The following METTL27 variants were observed in gnomAD, a reference collection of about 807,000 sequenced individuals.
The protein encoded by METTL27 is methyltransferase-like protein 27.
A neutral mutation model predicts 24.5 loss-of-function variants in METTL27; 29 were observed. The ratio of observed to expected loss-of-function variants is 1.18; its 90% CI spans 0.88 to 1.61. METTL27 has a LOEUF of 1.61. Ranked by LOEUF, METTL27 falls within the 40% of genes most tolerant of loss-of-function variation. The pLI, the probability that METTL27 is intolerant of heterozygous loss-of-function variation, is 0.00. For missense variants in METTL27, 341 were observed against 324.3 expected (o/e 1.05, Z -0.40); for synonymous variants, 138 against 146.8 (o/e 0.94, Z 0.43).
At chr7:73,836,065 C>T (rs1554635102) in intron 5 of METTL27, among the ~76,000 whole-genome samples, 2 of 152,064 alleles carry the variant, frequency 1.3e-5, no homozygotes. Context: ...GGCAGCCACC[C>T]CATCCGGGAG....
At chr7:73,837,330 A>T (rs1160998393) in intron 5 of METTL27, among the ~76,000 whole-genome samples, 7 of 145,554 alleles carry the variant, frequency 4.8e-5, no homozygotes, top group Non-Finnish European at 9.0e-5. Flanking sequence ...AAAAAAATAA[A>T]AAGTCAATCA....
chr7:73,840,140 G>GT lies in METTL27; in HGVS notation c.389-21_389-20insA. On this transcript the variant is annotated intron_variant, in intron 4 of 5. Coordinates refer to ENST00000297873, the MANE Select transcript of METTL27 (RefSeq NM_152559.3). ...AGGTCCCTGTGTGTGTGTGGGGGGGGGTGGGGACATGGTGTGATGCTTGGA... is the reference window on the plus strand; with the variant it reads ...AGGTCCCTGTGTGTGTGTGGGGGGGGTGTGGGGACATGGTGTGATGCTTGGA... 1.4e-6 allele frequency: 2 copies of GT among 1,437,872 alleles called. No homozygotes were observed. Among genetic ancestry groups the GT allele is most frequent in the Non-Finnish European group, 1.9e-6 (2 of 1,041,790 alleles). 89.1% of individuals were successfully genotyped at this position (1,437,872 alleles called of 1,614,324 possible).
In METTL27 at chr7:73,834,870, A is replaced by G. The variant is rs782705468; in HGVS notation, c.611T>C (p.Leu204Pro). 1.2e-6 allele frequency: 2 copies of G among 1,611,666 alleles called. No individual in the cohort carries two copies. The highest frequency in any genetic ancestry group is 2.2e-5 in the South Asian group (2 of 90,886). Residue 204 changes from leucine to proline, a missense_variant, in exon 6 of 6, where the codon CTG (leucine) becomes CCG (proline). By Grantham distance (98) the Leu-to-Pro change is moderately conservative. Transcript: ENST00000297873. ...EGLVAWPVDR[L>P]WTAGSWLPPS... ...AGGTAGCCAGCTCCCAGCGGTCCAC[A>G]GGCGGTCCACAGGCCAGGCCACCAG...
intron 5 of METTL27, among the ~76,000 whole-genome samples, chr7:73,838,393 G>C (rs782234518): frequency 6.6e-6 from 1 of 152,206 alleles, no homozygotes; most frequent in Non-Finnish European, 1.5e-5. Context: ...GTGCCCTACA[G>C]TAAGTGCCGG....
chr7:73,836,307 C>A (rs1255644218), intron 5 of METTL27, among the ~76,000 whole-genome samples: 3 of 140,038 alleles, frequency 2.1e-5, no homozygotes, highest in African/African-American at 7.9e-5. Flanking sequence ...CGGCCAGCTG[C>A]CCCGTCCAGT....
At chr7:73,838,737 C>G (rs993599762) in intron 5 of METTL27, among the ~76,000 whole-genome samples, 8 of 152,202 alleles carry the variant, frequency 5.3e-5, no homozygotes, top group Non-Finnish European at 1.0e-4. Context: ...CCAGCTGACC[C>G]CATCCGTGTC....
At position 73,840,028 on chromosome 7, in the gene METTL27, C is replaced by T. The variant is rs1788303746; in HGVS notation, c.478+3G>A. 6.2e-7 allele frequency: 1 copy of T among 1,606,958 alleles called. No homozygotes were observed. The highest frequency in any genetic ancestry group is 8.5e-7 in the Non-Finnish European group (1 of 1,176,320). ...GGGGGTGGTTGGCTGGGCTGCTCCT[C>T]ACCTGGCTTGGTGACATGTAGCTCA... is the stretch of plus-strand genomic sequence containing the variant. On this transcript the variant is annotated splice_donor_region_variant and intron_variant, in intron 5 of 5. Transcript: ENST00000297873.
At chr7:73,842,257 CCCCTATCCCGG>C in intron 1 of METTL27, 113 bp from the exon 2 acceptor site, 3 of 1,467,456 alleles carry the variant, frequency 2.0e-6, no homozygotes, top group Non-Finnish European at 2.7e-6. Context: ...GCCAGCGCGA[CCCCTATCCCGG>C]CCCCTATCCC....
At chr7:73,836,239 C>T (rs1407056241) in intron 5 of METTL27, among the ~76,000 whole-genome samples, 35 of 125,976 alleles carry the variant, frequency 2.8e-4, no homozygotes, top group African/African-American at 8.4e-4. Context: ...GGGGCATCAG[C>T]CCCCCGCCCG....
chr7:73,837,210 C>A (rs1187039359), intron 5 of METTL27, among the ~76,000 whole-genome samples: 1 of 142,906 alleles, frequency 7.0e-6, no homozygotes, highest in Admixed American at 7.0e-5. Flanking sequence ...TAGCTGCTGA[C>A]CTTCCCTCCA....
Position 73,840,127 on chromosome 7 carries a change from G to T in METTL27, c.389-7C>A. 1 of 1,527,882 alleles carries T rather than the reference G, an allele frequency of 6.5e-7. No individual in the cohort carries two copies. The highest frequency in any genetic ancestry group is 1.2e-5 in the South Asian group (1 of 83,026). 94.6% of individuals were successfully genotyped at this position (1,527,882 alleles called of 1,614,324 possible). Reference sequence around the variant, plus strand: ...AGCACCGCGTCGAAGGTCCCTGTGTGTGTGTGGGGGGGGGTGGGGACATGG... The same window carrying T: ...AGCACCGCGTCGAAGGTCCCTGTGTTTGTGTGGGGGGGGGTGGGGACATGG... On this transcript the variant is annotated splice_region_variant and splice_polypyrimidine_tract_variant and intron_variant, in intron 4 of 5. Transcript: ENST00000297873.
chr7:73,835,143 C>CCT, intron 5 of METTL27, 141 bp from the exon 6 acceptor site: 1 of 995,108 alleles, frequency 1.0e-6, no homozygotes, highest in Non-Finnish European at 1.3e-6. Flanking sequence ...CTCTCCCTCT[C>CCT]CCTCTCCCTC....
intron 5 of METTL27, 77 bp downstream of exon 5, chr7:73,839,954 G>A: frequency 7.4e-7 from 1 of 1,357,936 alleles, no homozygotes; most frequent in Non-Finnish European, 1.0e-6. Context: ...GGGGCTCTGG[G>A]GCCTGTGTCT....
intron 5 of METTL27, chr7:73,839,784 C>T: frequency 4.3e-6 from 2 of 462,314 alleles, no homozygotes; most frequent in Non-Finnish European, 3.8e-6. Flanking sequence ...GAAAAGGAGG[C>T]TGCAGAGGAG....
At chr7:73,840,196 C>A (rs1184082824) in intron 4 of METTL27, 76 bp from the exon 5 acceptor site, 91 of 1,524,266 alleles carry the variant, frequency 6.0e-5, no homozygotes, top group Non-Finnish European at 7.9e-5. Flanking sequence ...GGCCTCAGAC[C>A]ACCCTAGGGG....
At chr7:73,838,694 G>A (rs1050703694) in intron 5 of METTL27, among the ~76,000 whole-genome samples, 3 of 152,184 alleles carry the variant, frequency 2.0e-5, no homozygotes, top group Non-Finnish European at 4.4e-5. Context: ...CCAGTAGAAA[G>A]TTCCTGTCTT....
intron 5 of METTL27, among the ~76,000 whole-genome samples, chr7:73,836,393 G>A (rs1264162541): frequency 7.0e-6 from 1 of 143,766 alleles, no homozygotes; most frequent in African/African-American, 2.6e-5. Context: ...CGCCCAGTCC[G>A]GGAGGGAGGT....
intron 5 of METTL27, among the ~76,000 whole-genome samples, chr7:73,837,850 C>A (rs1313532030): frequency 6.6e-6 from 1 of 151,936 alleles, no homozygotes; most frequent in Non-Finnish European, 1.5e-5. Flanking sequence ...TGCCCACCCC[C>A]CCTTTTTTTT....
At position 73,835,908 on chromosome 7, in the gene METTL27, C is replaced by T. The variant is rs1159913588; in HGVS notation, c.479-906G>A. 8.7e-5 allele frequency among the ~76,000 whole-genome samples: 13 copies of T among 150,104 alleles called. No individual in the cohort carries two copies. The South Asian group carries it at 1.5e-3, about 17-fold the overall frequency. ...GGAGCACCTCTGCCCGGCCGCAACC[C>T]CGTCTGGGAGGTGAGGAGCATCTCT... On this transcript the variant is annotated intron_variant, in intron 5 of 5. Transcript: ENST00000297873.
Sources: allele counts gnomAD v4.1 joint callset (sites outside exome capture counted in the v4.1 genomes callset), GRCh38; gene constraint gnomAD v4.1.1; transcripts MANE v1.5; gene names NCBI Gene and HGNC (gene_info 2026-07-23, HGNC 2026-07-21).